RYR1: variants seen among roughly 807,000 people sequenced by gnomAD.
The protein encoded by RYR1 is central core disease of muscle.
In RYR1, 342 loss-of-function variants were observed where a neutral mutation model predicts 583.5. That is an observed-to-expected ratio of 0.59 (90% confidence interval 0.54 to 0.64). RYR1 has a LOEUF of 0.64. Among genes scored for constraint, RYR1 ranks in the 30% least tolerant of loss-of-function variants. The pLI is 0.00. For synonymous variants in RYR1, 2,791 were observed against 2,822.5 expected, an observed-to-expected ratio of 0.99 and a Z score of 0.35; for missense variants, 6,032 against 6,917.2, an observed-to-expected ratio of 0.87 and a Z score of 4.54.
At chr19:38,535,112 G>A (rs1165433334) in intron 79 of RYR1, 29 bp from the exon 80 acceptor site, 1 of 1,608,516 alleles carries the variant, frequency 6.2e-7, no homozygotes, top group Non-Finnish European at 8.5e-7. Flanking sequence ...CAACTGGGTG[G>A]ACCATCTTTT....
rs1336711507 is a variant in RYR1 at position 38,460,560 on chromosome 19, A to G, written c.2546A>G (p.Asp849Gly). The change falls in exon 20 of 106, where the codon GAC becomes GGC. Residue 849 changes from aspartate to glycine, a missense_variant. Around this residue, in one of 11 missense-constraint regions of RYR1, gnomAD observed 2,627 missense variants for 2,961.3 expected, o/e 0.89. Transcript: ENST00000359596. The stretch of plus-strand genomic sequence containing the variant: ...CCCAGTCGCTGCCTCTCACACACCG[A>G]CTTCGTGCCCTGCCCTGTGGACACT... ...VGPSRCLSHT[D>G]FVPCPVDTVQ... 7 of 1,613,216 alleles carry G rather than the reference A, an allele frequency of 4.3e-6. No homozygotes were observed. Among genetic ancestry groups the G allele is most frequent in the Non-Finnish European group, 5.9e-6 (7 of 1,180,026 alleles).
Position 38,502,538 on chromosome 19 carries a change from C to T in RYR1, c.7646C>T (p.Ala2549Val), listed in dbSNP as rs757261963. ...TTCAGCACCACCGAGATGGCGCTGG[C>T]GCTGAACCGCTACCTGTGCCTGGCC... ...ATFSTTEMAL[A>V]LNRYLCLAVL... is the part of the protein sequence containing the mutation. Residue 2549 changes from alanine to valine, a missense_variant, in exon 48 of 106, where the codon GCG becomes GTG. Ala to Val is a moderately conservative substitution (Grantham distance 64). This residue lies in a region of RYR1 where 250 missense variants were observed against 162.3 expected (regional missense o/e 1.54). Transcript: ENST00000359596. The T allele has an allele frequency of 9.9e-6, 16 of 1,610,008 alleles. No homozygotes were observed. The highest frequency in any genetic ancestry group is 1.3e-5 in the African/African-American group (1 of 74,968).
Position 38,466,038 on chromosome 19 carries a change from G to C in RYR1, c.2871-53G>C. 5 of 1,536,478 alleles carry C rather than the reference G, an allele frequency of 3.3e-6. No individual in the cohort carries two copies. In the South Asian group the frequency reaches 5.9e-5, roughly 18 times the overall value. On this transcript the variant is annotated intron_variant, in intron 23 of 105. Transcript: ENST00000359596. ...AGTCAGGGATCCCATATAGTGCAGA[G>C]CCCGGAAGTGGAGGTGAGGGCCTTG... is the stretch of plus-strand genomic sequence containing the variant.
chr19:38,564,913 G>A, intron 90 of RYR1, 46 bp from the exon 91 acceptor site: 1 of 1,546,032 alleles, frequency 6.5e-7, no homozygotes, highest in Non-Finnish European at 8.7e-7. Context: ...TGCTGTCCGA[G>A]CCCCCGCTGA....
rs538148538 is a variant in RYR1, at chr19:38,485,926, C to T, written c.5271C>T (p.His1757=). The T allele has an allele frequency of 5.6e-6, 9 of 1,613,686 alleles. No individual in the cohort carries two copies. The highest frequency in any genetic ancestry group is 4.0e-5 in the African/African-American group (3 of 75,054). Reference sequence around the variant, plus strand: ...CTGGAAGGAGCACAGAAAATGGTCACCCCCGGCATGGCCTGCCGGGAGTTG... The same window carrying T: ...CTGGAAGGAGCACAGAAAATGGTCATCCCCGGCATGGCCTGCCGGGAGTTG... ...FPPGRSTENG[H]PRHGLPGVGV... Residue 1757 remains histidine, a synonymous_variant, in exon 34 of 106, where the codon CAC becomes CAT. Coordinates refer to ENST00000359596, the MANE Select transcript of RYR1 (RefSeq NM_000540.3).
At chr19:38,522,081 A>G (rs1971250524) in intron 67 of RYR1, among the ~76,000 whole-genome samples, 1 of 151,826 alleles carries the variant, frequency 6.6e-6, no homozygotes, top group African/African-American at 2.4e-5. Flanking sequence ...AGGAAGGGGG[A>G]GTGGCTGGGA....
chr19:38,565,192 G>C lies in RYR1; in HGVS notation c.12858G>C (p.Ala4286=), dbSNP rs1599634706. ...EEGAAGLEGT[A]ATAAAGATAR... ...GCGCGGCGGGGCTCGAGGGCACGGC[G>C]GCCACGGCGGCGGCGGGGGCGACGG... is the stretch of plus-strand genomic sequence containing the variant. The change falls in exon 91 of 106, where the codon GCG becomes GCC. Residue 4286 remains alanine, a synonymous_variant. Transcript: ENST00000359596. The surrounding 1 kb of genome is among the most constrained non-coding windows in gnomAD (Gnocchi z 4.7). 2.9e-6 allele frequency: 3 copies of C among 1,048,652 alleles called. No individual in the cohort carries two copies. Among genetic ancestry groups the C allele is most frequent in the Middle Eastern group, 4.4e-4 (1 of 2,250 alleles). 65.0% of individuals were successfully genotyped at this position (1,048,652 alleles called of 1,614,324 possible).
chr19:38,510,951 G>C (rs1231110573), intron 60 of RYR1, among the ~76,000 whole-genome samples, 170 bp downstream of exon 60: 3 of 152,182 alleles, frequency 2.0e-5, no homozygotes, highest in Admixed American at 2.0e-4. Flanking sequence ...GGGTTTCCCA[G>C]GATGTGGGAC....
intron 57 of RYR1, 45 bp downstream of exon 57, chr19:38,506,997 A>C: frequency 6.2e-7 from 1 of 1,611,228 alleles, no homozygotes. Context: ...GGCAGAACAC[A>C]CCCGGCAAAG....
chr19:38,502,602 G>A lies in RYR1; in HGVS notation c.7710G>A (p.Ala2570=), dbSNP rs1178450412. The change falls in exon 48 of 106, where the codon GCG becomes GCA. Residue 2570 remains alanine, a synonymous_variant. Coordinates refer to ENST00000359596, the MANE Select transcript of RYR1 (RefSeq NM_000540.3). ...PLITKCAPLF[A]GTEHRAIMVD... ...TCACCAAGTGTGCGCCGCTCTTTGC[G>A]GGCACAGAACACCGCGCCATCATGG... 3.1e-6 allele frequency: 5 copies of A among 1,612,864 alleles called. No homozygotes were observed. The highest frequency in any genetic ancestry group is 1.1e-5 in the South Asian group (1 of 91,022).
Position 38,561,546 on chromosome 19 carries a change from T to G in RYR1, c.12624+92T>G, listed in dbSNP as rs1458379801. The G allele has an allele frequency of 2.4e-6, 3 of 1,253,688 alleles. No individual in the cohort carries two copies. Among genetic ancestry groups the G allele is most frequent in the Middle Eastern group, 2.7e-4 (1 of 3,720 alleles). The allele number at this position is 1,253,688 out of a possible 1,614,324, so 77.7% of individuals were successfully genotyped here. A position where few individuals can be genotyped will look rare whatever the true frequency, so the allele number is the denominator to read the frequency against. ...GCACCCTCAGACCCCACGGGGGCTG[T>G]GCGTGCCTCGCATATCTGCCCTGCT... On this transcript the variant is annotated intron_variant, in intron 90 of 105. Coordinates refer to ENST00000359596, the MANE Select transcript of RYR1 (RefSeq NM_000540.3). The surrounding 1 kb of genome is among the most constrained non-coding windows in gnomAD (Gnocchi z 4.8).
chr19:38,496,822 C>A lies in RYR1; in HGVS notation c.6797-38C>A. 6.3e-7 allele frequency: 1 copy of A among 1,578,658 alleles called. No homozygotes were observed. The highest frequency in any genetic ancestry group is 8.7e-7 in the Non-Finnish European group (1 of 1,148,612). Reference sequence around the variant, plus strand: ...GGCTTCCCAGAGGAGGCGAGACAAGCAGGAGTGAGATGTTCTCCCCACCTC... The same window carrying A: ...GGCTTCCCAGAGGAGGCGAGACAAGAAGGAGTGAGATGTTCTCCCCACCTC... On this transcript the variant is annotated intron_variant, in intron 41 of 105. Coordinates refer to ENST00000359596, the MANE Select transcript of RYR1 (RefSeq NM_000540.3). The surrounding 1 kb of genome is among the most constrained non-coding windows in gnomAD (Gnocchi z 4.8).
rs536612071 is a variant in RYR1 at position 38,571,012 on chromosome 19, A to G, written c.13746+319A>G. 5.3e-5 allele frequency among the ~76,000 whole-genome samples: 8 copies of G among 152,336 alleles called. No homozygotes were observed. The South Asian group carries it at 1.7e-3, about 32-fold the overall frequency. The stretch of plus-strand genomic sequence containing the variant: ...GTGCAGGCCCTCAGCTCTTGGCAAC[A>G]CCCACTGATTCTGTTAAGCATCTTT... On this transcript the variant is annotated intron_variant, in intron 94 of 105. Transcript: ENST00000359596.
intron 16 of RYR1, among the ~76,000 whole-genome samples, chr19:38,456,088 C>T (rs1001172639): frequency 2.7e-5 from 4 of 148,642 alleles, no homozygotes; most frequent in Admixed American, 2.7e-4. Context: ...TCTCCTGCCT[C>T]GGCCTCCCAA....
rs1474344134 is a variant in RYR1, at chr19:38,505,331, G to A, written c.8333G>A (p.Gly2778Glu). Residue 2778 changes from glycine (G) to glutamate (E), a missense_variant, in exon 53 of 106, where the codon GGA (glycine) becomes GAA (glutamate). By Grantham distance (98) the Gly-to-Glu change is moderately conservative. Around this residue, in one of 11 missense-constraint regions of RYR1, gnomAD observed 1,493 missense variants for 1,715.5 expected, o/e 0.87. Coordinates refer to ENST00000359596, the MANE Select transcript of RYR1 (RefSeq NM_000540.3). ...TAGATCCAGAACAACTGGTCCTATG[G>A]AGAGAACATAGACGAGGAGCTGAAG... ...FDKIQNNWSYGENIDEELKTH... is the reference protein window; with the variant it reads ...FDKIQNNWSYEENIDEELKTH... 4 of 1,612,074 alleles carry A rather than the reference G, an allele frequency of 2.5e-6. No homozygotes were observed.
rs142912005 is a variant in RYR1, at chr19:38,553,758, C to T, written c.12282+5338C>T. 1.9e-3 allele frequency among the ~76,000 whole-genome samples: 290 copies of T among 152,280 alleles called. 1 individual carries two copies. The highest frequency in any genetic ancestry group is 6.5e-3 in the African/African-American group (272 of 41,542). On this transcript the variant is annotated intron_variant, in intron 89 of 105. Coordinates refer to ENST00000359596, the MANE Select transcript of RYR1 (RefSeq NM_000540.3). Reference sequence around the variant, plus strand: ...CACATCTACCATGGTAAAGCCCTTTCGTTAGTTTCTTTTGTATCCTTCCAT... The same window carrying T: ...CACATCTACCATGGTAAAGCCCTTTTGTTAGTTTCTTTTGTATCCTTCCAT...
chr19:38,555,727 T>A (rs1011191980), intron 89 of RYR1, among the ~76,000 whole-genome samples: 3 of 152,196 alleles, frequency 2.0e-5, no homozygotes, highest in African/African-American at 7.2e-5. Flanking sequence ...TGGCTGATAC[T>A]TTTTAAAATC....
At chr19:38,526,833 C>G in intron 71 of RYR1, 160 bp from the exon 72 acceptor site, 2 of 698,080 alleles carry the variant, frequency 2.9e-6, no homozygotes, top group Non-Finnish European at 5.0e-6. Flanking sequence ...CCCCTTCTGA[C>G]CCCGTCAACC....
At chr19:38,522,808 G>C (rs545182307) in intron 67 of RYR1, among the ~76,000 whole-genome samples, 55 of 151,984 alleles carry the variant, frequency 3.6e-4, no homozygotes, top group Admixed American at 7.2e-4. Context: ...AAATTAGCCC[G>C]GTGTGGTGTC....
Sources: gnomAD v4.1 joint callset for allele counts (sites outside exome capture counted in the v4.1 genomes callset) on GRCh38, gnomAD v4.1.1 for gene constraint, gnomAD v4.1.1 regional missense constraint, Gnocchi (gnomAD v3.1) non-coding constraint, MANE v1.5 for transcripts, NCBI Gene and HGNC (gene_info 2026-07-23, HGNC 2026-07-21) for gene names.